Variants in DPYSL3 observed in about 807,000 individuals in gnomAD.
DPYSL3 encodes the protein dihydropyrimidinase like 3, also known as dihydropyrimidinase-related protein 3.
DPYSL3 carries 16 observed loss-of-function variants against 66.1 expected under a neutral mutation model. The ratio of observed to expected loss-of-function variants is 0.24; its 90% CI spans 0.16 to 0.37. The LOEUF (loss-of-function observed/expected upper bound fraction) is 0.37, where lower values mean the gene tolerates loss of function less well. DPYSL3 is among the 10% of genes least tolerant of loss of function. The pLI is 1.00. For missense variants in DPYSL3, 738 were observed against 916.2 expected (o/e 0.81, Z 2.51); for synonymous variants, 338 against 345.1 (o/e 0.98, Z 0.23).
chr5:147,429,049 G>A (rs1003912723), intron 1 of DPYSL3, among the ~76,000 whole-genome samples: 20 of 152,258 alleles, frequency 1.3e-4, no homozygotes, highest in African/African-American at 4.3e-4. Context: ...ACTGCCAAGC[G>A]TCCATGAGCT....
Position 147,424,941 on chromosome 5 carries a change from C to G in DPYSL3, c.404G>C (p.Gly135Ala), listed in dbSNP as rs1333906044. The G allele has an allele frequency of 6.2e-7, 1 of 1,613,062 alleles. No individual in the cohort carries two copies. Among genetic ancestry groups the G allele is most frequent in the Non-Finnish European group, 8.5e-7 (1 of 1,179,450 alleles). ...CTGATCATCATTGACGATTCTGCCT[C>G]CCTTGATAAGGAGACGGTCACTCTA... The part of the protein sequence containing the change: ...KDKSDRLLIK[G>A]GRIVNDDQSF... The change falls in exon 2 of 14, where the codon GGA becomes GCA. Residue 135 changes from glycine to alanine, a missense_variant. Transcript: ENST00000343218.
chr5:147,435,870 A>G (rs1752404494), intron 1 of DPYSL3, among the ~76,000 whole-genome samples: 1 of 152,250 alleles, frequency 6.6e-6, no homozygotes, highest in Non-Finnish European at 1.5e-5. Flanking sequence ...ATAAATGGAT[A>G]TGCAGCATCC....
chr5:147,405,866 C>T (rs191888385), intron 7 of DPYSL3, 136 bp from the exon 8 acceptor site: 2 of 1,139,110 alleles, frequency 1.8e-6, no homozygotes, highest in East Asian at 2.4e-5. Context: ...ATTAGATAGC[C>T]TATATCCACA....
chr5:147,505,041 A>G (rs1430977880), intron 1 of DPYSL3, among the ~76,000 whole-genome samples: 1 of 152,240 alleles, frequency 6.6e-6, no homozygotes, highest in Non-Finnish European at 1.5e-5. Context: ...TGCACTTAGT[A>G]TCAAAAATTA....
intron 6 of DPYSL3, among the ~76,000 whole-genome samples, chr5:147,412,158 C>A (rs1191421803): frequency 2.0e-5 from 3 of 152,240 alleles, no homozygotes; most frequent in Non-Finnish European, 4.4e-5. Context: ...GACCTTTGCT[C>A]CTCATGAGAC....
intron 1 of DPYSL3, among the ~76,000 whole-genome samples, chr5:147,434,898 A>G (rs1388463690): frequency 1.3e-5 from 2 of 152,336 alleles, no homozygotes; most frequent in African/African-American, 4.8e-5. Flanking sequence ...AGTGAGTTCT[A>G]ATGTAAACTG....
At position 147,430,704 on chromosome 5, in the gene DPYSL3, A is replaced by G. The variant is rs12655492; in HGVS notation, c.382-5741T>C. Among the ~76,000 whole-genome samples the G allele has an allele frequency of 0.012, 1,771 of 152,230 alleles. 70 individuals carry two copies. In the East Asian group the frequency reaches 0.13, roughly 11 times the overall value. On this transcript the variant is annotated intron_variant, in intron 1 of 13. Transcript: ENST00000343218. The stretch of plus-strand genomic sequence containing the variant: ...GAATCTTGAGCTAAAAGCCTACTAG[A>G]GATGTTGGTCTCCATTTTAGTTTTC...
chr5:147,402,348 T>A, intron 8 of DPYSL3, among the ~76,000 whole-genome samples: 1 of 146,134 alleles, frequency 6.8e-6, no homozygotes, highest in South Asian at 2.1e-4. Context: ...TGACTTTTTT[T>A]TTTTTCTTTT....
chr5:147,477,998 T>C lies in DPYSL3; in HGVS notation c.381+31480A>G, dbSNP rs552741300. 3.4e-3 allele frequency among the ~76,000 whole-genome samples: 512 copies of C among 152,354 alleles called. 3 individuals are homozygous for C. The highest frequency in any genetic ancestry group is 0.01 in the Middle Eastern group (3 of 294). ...TTGTCCAGAATCACAATTTTGCTTT[T>C]TACAGCCAGGACCAGAATTCATGTC... On this transcript the variant is annotated intron_variant, in intron 1 of 13. Coordinates refer to ENST00000343218, the MANE Select transcript of DPYSL3 (RefSeq NM_001197294.2).
chr5:147,423,971 G>T (rs933464966), intron 2 of DPYSL3, among the ~76,000 whole-genome samples: 1 of 152,110 alleles, frequency 6.6e-6, no homozygotes, highest in African/African-American at 2.4e-5. Flanking sequence ...GTCCGCCTCG[G>T]CCTCCCAAAG....
intron 1 of DPYSL3, among the ~76,000 whole-genome samples, chr5:147,432,621 C>T (rs553221592): frequency 1.3e-5 from 2 of 152,252 alleles, no homozygotes; most frequent in South Asian, 4.1e-4. Context: ...AGGAGAGGGA[C>T]AGCACTGGAC....
chr5:147,494,709 C>CA (rs35761170), intron 1 of DPYSL3, among the ~76,000 whole-genome samples: 38,653 of 83,566 alleles, frequency 0.46, 6,725 homozygotes, highest in Non-Finnish European at 0.5. Flanking sequence ...ACGAAAAATA[C>CA]AAAAAAAAAA....
chr5:147,412,730 T>TAGC, intron 5 of DPYSL3, 42 bp from the exon 6 acceptor site: 2 of 1,570,738 alleles, frequency 1.3e-6, no homozygotes, highest in Non-Finnish European at 1.7e-6. Flanking sequence ...CAAGCACTTT[T>TAGC]AGCAGCCCCA....
chr5:147,472,821 T>A (rs939672673), intron 1 of DPYSL3: 2 of 152,144 alleles, frequency 1.3e-5, no homozygotes, highest in African/African-American at 4.8e-5. Flanking sequence ...TATAACACCA[T>A]CCTATTTACC....
chr5:147,417,057 G>A (rs1049057968), intron 3 of DPYSL3, among the ~76,000 whole-genome samples: 21 of 152,186 alleles, frequency 1.4e-4, no homozygotes, highest in African/African-American at 4.8e-4. Flanking sequence ...GGATTAGGAG[G>A]TTTATTTTCT....
intron 1 of DPYSL3, among the ~76,000 whole-genome samples, chr5:147,500,305 G>A (rs897609656): frequency 1.3e-5 from 2 of 152,024 alleles, no homozygotes; most frequent in Admixed American, 1.3e-4. Context: ...CTGAATACAC[G>A]CAGAACTCTT....
At chr5:147,476,746 T>C (rs1359656397) in intron 1 of DPYSL3, among the ~76,000 whole-genome samples, 4 of 152,202 alleles carry the variant, frequency 2.6e-5, no homozygotes, top group Non-Finnish European at 5.9e-5. Context: ...TCAGAATTTG[T>C]AACAATAGAA....
intron 1 of DPYSL3, among the ~76,000 whole-genome samples, chr5:147,479,693 T>C (rs1753208934): frequency 6.6e-6 from 1 of 152,074 alleles, no homozygotes; most frequent in African/African-American, 2.4e-5. Context: ...CAATGCTGAG[T>C]CTTGAAGCCT....
chr5:147,508,198 G>C (rs1365761359), intron 1 of DPYSL3, among the ~76,000 whole-genome samples: 2 of 152,172 alleles, frequency 1.3e-5, no homozygotes, highest in East Asian at 3.9e-4. Flanking sequence ...TTTCCAAGTG[G>C]TACCCTTGAA....
Sources: allele counts gnomAD v4.1 joint callset (sites outside exome capture counted in the v4.1 genomes callset), GRCh38; gene constraint gnomAD v4.1.1; transcripts MANE v1.5; gene names NCBI Gene and HGNC (gene_info 2026-07-23, HGNC 2026-07-21).